The following GPAM variants were observed in gnomAD, a reference collection of about 807,000 sequenced individuals.
The protein encoded by GPAM is glycerol-3-phosphate acyltransferase 1, mitochondrial.
GPAM carries 56 observed loss-of-function variants against 105.0 expected under a neutral mutation model. The ratio of observed to expected loss-of-function variants is 0.53; its 90% CI spans 0.43 to 0.67. GPAM has a LOEUF of 0.67. Among genes scored for constraint, GPAM ranks in the 30% least tolerant of loss-of-function variants. The probability of loss-of-function intolerance (pLI) is 0.00; values close to 1 mark genes in which losing one functional copy is unlikely to be tolerated. For missense variants in GPAM, 855 were observed against 989.8 expected (o/e 0.86, Z 1.83); for synonymous variants, 368 against 354.4 (o/e 1.04, Z -0.43).
At chr10:112,192,812 G>C (rs1847677606) in intron 1 of GPAM, among the ~76,000 whole-genome samples, 1 of 152,214 alleles carries the variant, frequency 6.6e-6, no homozygotes, top group East Asian at 1.9e-4. Flanking sequence ...GATTAGAGAA[G>C]GGTGAATCAA....
intron 6 of GPAM, among the ~76,000 whole-genome samples, chr10:112,174,757 T>C (rs7083112): frequency 0.027 from 4,175 of 152,296 alleles, 185 homozygotes; most frequent in African/African-American, 0.093. Context: ...TTCATTGCAT[T>C]CTGACCAGGA....
chr10:112,184,354 A>G (rs1472867351), upstream of GPAM, among the ~76,000 whole-genome samples: 1 of 152,244 alleles, frequency 6.6e-6, no homozygotes, highest in African/African-American at 2.4e-5. Flanking sequence ...ACAGTTCAAA[A>G]TCGCTAAGAG....
intron 1 of GPAM, among the ~76,000 whole-genome samples, chr10:112,204,254 C>CTT (rs59433956): frequency 1.9e-4 from 25 of 132,498 alleles, no homozygotes; most frequent in East Asian, 1.6e-3. Flanking sequence ...TTTCTTTGTT[C>CTT]TTTTTTTTTT....
At chr10:112,223,053 C>T in the GPAM span, among the ~76,000 whole-genome samples, 4 of 152,090 alleles carry the variant, frequency 2.6e-5, no homozygotes, top group African/African-American at 9.7e-5. Flanking sequence ...GGAGCCAGGC[C>T]TCTCCCTTTC....
intron 16 of GPAM, 107 bp from the exon 17 acceptor site, chr10:112,160,160 C>A (rs993585994): frequency 2.6e-6 from 3 of 1,135,286 alleles, no homozygotes; most frequent in Non-Finnish European, 3.9e-6. Context: ...AAAATAATGG[C>A]CTGTATTTGG....
chr10:112,199,379 T>C (rs1847766165), intron 1 of GPAM, among the ~76,000 whole-genome samples: 1 of 152,080 alleles, frequency 6.6e-6, no homozygotes, highest in African/African-American at 2.4e-5. Context: ...AGAATGGTGG[T>C]TATCAGCAGC....
chr10:112,168,857 T>G lies in GPAM; in HGVS notation c.890A>C (p.His297Pro), dbSNP rs74782999. 2 of 1,580,248 alleles carry G rather than the reference T, an allele frequency of 1.3e-6. No individual in the cohort carries two copies. The highest frequency in any genetic ancestry group is 1.7e-5 in the Admixed American group (1 of 59,964). The part of the protein sequence containing the change: ...RKDVLYRALL[H>P]GHIVELLRQQ... ...ATAATTAGAGATCACACATACCCCA[T>G]GGAGCAAAGCTCTATAGAGAACATC... The change falls in exon 10 of 22, where the codon CAT becomes CCT. Residue 297 changes from histidine to proline, a missense_variant. Physicochemically the swap from His to Pro is moderately conservative, Grantham distance 77. Transcript: ENST00000348367.
At chr10:112,158,237 T>C (rs1847053576) in intron 18 of GPAM, 79 bp downstream of exon 18, 2 of 955,960 alleles carry the variant, frequency 2.1e-6, no homozygotes, top group African/African-American at 1.6e-5. Flanking sequence ...GGCCAATTAT[T>C]GGTTTAAATA....
At chr10:112,168,555 T>C (rs1443056764) in intron 10 of GPAM, 31 bp from the exon 11 acceptor site, 4 of 1,373,360 alleles carry the variant, frequency 2.9e-6, no homozygotes, top group Non-Finnish European at 3.1e-6. Flanking sequence ...AAAACATACA[T>C]TCAAGACCAC....
chr10:112,220,272 G>A (rs78907895), upstream of GPAM, among the ~76,000 whole-genome samples: 4,572 of 152,178 alleles, frequency 0.03, 75 homozygotes, highest in South Asian at 0.036. Context: ...TGAATGTTTC[G>A]GGTGATTGAT....
Position 112,168,972 on chromosome 10 carries a change from G to T in GPAM, c.795-20C>A, listed in dbSNP as rs776682333. Reference sequence around the variant, plus strand: ...AAGGTACTATAAATTCAGAATACATGAATTATTTACAAAGAAAAATGTAAA... The same window carrying T: ...AAGGTACTATAAATTCAGAATACATTAATTATTTACAAAGAAAAATGTAAA... On this transcript the variant is annotated intron_variant, in intron 9 of 21. Coordinates refer to ENST00000348367, the MANE Select transcript of GPAM (RefSeq NM_001244949.2). 9 of 1,400,342 alleles carry T rather than the reference G, an allele frequency of 6.4e-6. No individual in the cohort carries two copies. In the South Asian group the frequency reaches 6.9e-5, roughly 11 times the overall value. The allele number at this position is 1,400,342 out of a possible 1,614,324, so 86.7% of individuals were successfully genotyped here.
At position 112,168,320 on chromosome 10, in the gene GPAM, C is replaced by G; in HGVS notation, c.1099G>C (p.Glu367Gln). 6.4e-7 allele frequency: 1 copy of G among 1,571,862 alleles called. No homozygotes were observed. The highest frequency in any genetic ancestry group is 8.8e-7 in the Non-Finnish European group (1 of 1,141,422). The change falls in exon 11 of 22, where the codon GAA (glutamate) becomes CAA (glutamine). Residue 367 changes from glutamate (E) to glutamine (Q), a missense_variant. By Grantham distance (29) the Glu-to-Gln change is conservative. Coordinates refer to ENST00000348367, the MANE Select transcript of GPAM (RefSeq NM_001244949.2). Reference sequence around the variant, plus strand: ...TGTGTAGGTACCCTTACCAGTTGTTCACCATTGTAGTGACCTTCGATAATG... The same window carrying G: ...TGTGTAGGTACCCTTACCAGTTGTTGACCATTGTAGTGACCTTCGATAATG... Reference protein sequence around the residue: ...DRIIEGHYNGEQLGKPKKNES... With the variant: ...DRIIEGHYNGQQLGKPKKNES...
intron 17 of GPAM, among the ~76,000 whole-genome samples, chr10:112,159,379 C>T (rs1191110091): frequency 6.6e-6 from 1 of 152,002 alleles, no homozygotes; most frequent in Non-Finnish European, 1.5e-5. Context: ...TGCTACTACA[C>T]CTGGCTAATT....
rs1846955923 is a variant in GPAM, at chr10:112,153,427, G to T, written c.*123C>A. The T allele has an allele frequency of 6.3e-7, 1 of 1,593,694 alleles. No individual in the cohort carries two copies. Among genetic ancestry groups the T allele is most frequent in the African/African-American group, 1.3e-5 (1 of 74,614 alleles). ...GAGGGAGAAGGCACTTGTCTTCCAG[G>T]AGATCACTTCGGGACAGGGCAGGCC... On this transcript the variant is annotated 3_prime_UTR_variant, in exon 22 of 22. Transcript: ENST00000348367.
Position 112,151,593 on chromosome 10 carries a change from T to C in GPAM, c.*1957A>G. 1.0e-6 allele frequency: 1 copy of C among 985,738 alleles called. No individual in the cohort carries two copies. Among genetic ancestry groups the C allele is most frequent in the East Asian group, 1.1e-4 (1 of 8,818 alleles). 61.1% of individuals were successfully genotyped at this position (985,738 alleles called of 1,614,324 possible). ...ACAAACCAACCAAAAGGGAAAATAA[T>C]GCAAGAGAAGCCGTATTTTCTTTGC... On this transcript the variant is annotated 3_prime_UTR_variant, in exon 22 of 22. Coordinates refer to ENST00000348367, the MANE Select transcript of GPAM (RefSeq NM_001244949.2).
At position 112,155,868 on chromosome 10, in the gene GPAM, T is replaced by G. The variant is rs778625746; in HGVS notation, c.2307A>C (p.Val769=). 2.6e-6 allele frequency: 4 copies of G among 1,541,856 alleles called. No individual in the cohort carries two copies. In the East Asian group the frequency reaches 9.0e-5, roughly 35 times the overall value. ...LITRTERNVA[V]YAESATYCLV... ...ATAAATAGTGACTTAACATACCATA[T>G]ACTGCAACATTTCTTTCTGTTCTGG... The change falls in exon 20 of 22, where the codon GTA becomes GTC. Residue 769 remains valine (V), a synonymous_variant. Coordinates refer to ENST00000348367, the MANE Select transcript of GPAM (RefSeq NM_001244949.2).
At chr10:112,179,405 A>C in intron 4 of GPAM, among the ~76,000 whole-genome samples, 1 of 152,218 alleles carries the variant, frequency 6.6e-6, no homozygotes, top group East Asian at 1.9e-4. Context: ...TTAAATCTTG[A>C]TTTCAAGTGA....
intron 1 of GPAM, among the ~76,000 whole-genome samples, chr10:112,212,326 G>A (rs573298276): frequency 5.9e-5 from 9 of 152,136 alleles, no homozygotes; most frequent in African/African-American, 1.9e-4. Context: ...GCAGTGGTGC[G>A]ATCTCAGCTC....
chr10:112,202,455 C>T (rs1244755676), intron 1 of GPAM, among the ~76,000 whole-genome samples: 1 of 152,136 alleles, frequency 6.6e-6, no homozygotes, highest in Non-Finnish European at 1.5e-5. Context: ...ATAAGTAAGA[C>T]AGCAGGTAGA....
Sources: allele counts gnomAD v4.1 joint callset (sites outside exome capture counted in the v4.1 genomes callset), GRCh38; gene constraint gnomAD v4.1.1; transcripts MANE v1.5; gene names NCBI Gene and HGNC (gene_info 2026-07-23, HGNC 2026-07-21).